STAT4: variants seen among roughly 807,000 people sequenced by gnomAD.
The protein encoded by STAT4 is signal transducer and activator of transcription 4.
Under a neutral mutation model 110.5 loss-of-function variants are expected in STAT4, and 42 were observed. That is an observed-to-expected ratio of 0.38 (90% CI 0.30 to 0.49). The LOEUF (loss-of-function observed/expected upper bound fraction) is 0.49. Ranked by LOEUF, STAT4 falls within the 20% of genes least tolerant of loss-of-function variation. STAT4 has a pLI of 0.95. For missense variants in STAT4, 632 were observed against 887.9 expected (o/e 0.71, Z 3.66); for synonymous variants, 284 against 302.2 (o/e 0.94, Z 0.63).
chr2:191,048,934 G>A (rs971465181), intron 14 of STAT4, among the ~76,000 whole-genome samples: 1 of 150,236 alleles, frequency 6.7e-6, no homozygotes, highest in African/African-American at 2.5e-5. Flanking sequence ...ATATGACACT[G>A]AATATAATAG....
rs941213604 is a variant in STAT4, at chr2:191,086,226, C to T, written c.274-9901G>A. Among the ~76,000 whole-genome samples, 2 of 152,090 alleles carry T rather than the reference C, an allele frequency of 1.3e-5. No individual in the cohort carries two copies. Among genetic ancestry groups the T allele is most frequent in the Admixed American group, 1.3e-4 (2 of 15,256 alleles). On this transcript the variant is annotated intron_variant, in intron 3 of 23. Coordinates refer to ENST00000392320, the MANE Select transcript of STAT4 (RefSeq NM_003151.4). This position sits in a 1 kb window ranked among gnomAD's most constrained non-coding sequence, Gnocchi z 5.5. ...CATAAAAGCCCTTTGGAAAAACTGG[C>T]CTTCTATCTTGTCCTTCACAGGGTT...
At chr2:191,081,593 T>C (rs1347937217) in intron 3 of STAT4, among the ~76,000 whole-genome samples, 1 of 152,242 alleles carries the variant, frequency 6.6e-6, no homozygotes, top group East Asian at 1.9e-4. Context: ...TGATGACCAG[T>C]GACGATGAGC....
chr2:191,035,913 C>T lies in STAT4; in HGVS notation c.1570+251G>A, dbSNP rs1001258992. 2.0e-5 allele frequency among the ~76,000 whole-genome samples: 3 copies of T among 152,064 alleles called. No homozygotes were observed. Among genetic ancestry groups the T allele is most frequent in the African/African-American group, 4.8e-5 (2 of 41,384 alleles). Reference sequence around the variant, plus strand: ...TGCTGCTGTGTACTAGCCATGCAGCCGTGGCAAGTCACTTGACTTCTGCAC... The same window carrying T: ...TGCTGCTGTGTACTAGCCATGCAGCTGTGGCAAGTCACTTGACTTCTGCAC... On this transcript the variant is annotated intron_variant, in intron 17 of 23. Coordinates refer to ENST00000392320, the MANE Select transcript of STAT4 (RefSeq NM_003151.4). This position sits in a 1 kb window ranked among gnomAD's most constrained non-coding sequence, Gnocchi z 4.7.
At position 191,110,129 on chromosome 2, in the gene STAT4, G is replaced by T. The variant is rs1698385967; in HGVS notation, c.274-33804C>A. On this transcript the variant is annotated intron_variant, in intron 3 of 23. Coordinates refer to ENST00000392320, the MANE Select transcript of STAT4 (RefSeq NM_003151.4). The surrounding 1 kb of genome is among the most constrained non-coding windows in gnomAD (Gnocchi z 4.5). The stretch of plus-strand genomic sequence containing the variant: ...CGCACAGCAGCCTCAACCACTTGAG[G>T]AAACACTACTTCATGTCCCTATGGA... Among the ~76,000 whole-genome samples, 1 of 152,134 alleles carries T rather than the reference G, an allele frequency of 6.6e-6. No individual in the cohort carries two copies. The highest frequency in any genetic ancestry group is 2.4e-5 in the African/African-American group (1 of 41,420).
chr2:191,147,852 C>G lies in STAT4; in HGVS notation c.128+224G>C, dbSNP rs551756499. On this transcript the variant is annotated intron_variant, in intron 2 of 23. Transcript: ENST00000392320. This position sits in a 1 kb window ranked among gnomAD's most constrained non-coding sequence, Gnocchi z 4.1. Reference sequence around the variant, plus strand: ...GAAAAATTATTTGGGTTTTTGTTTACAGAGAAAAGAAGCACTGGAACCATT... The same window carrying G: ...GAAAAATTATTTGGGTTTTTGTTTAGAGAGAAAAGAAGCACTGGAACCATT... Among the ~76,000 whole-genome samples, 5 of 151,954 alleles carry G rather than the reference C, an allele frequency of 3.3e-5. No homozygotes were observed. In the South Asian group the frequency reaches 1.0e-3, roughly 32 times the overall value.
At chr2:191,047,055 G>C (rs993004610) in intron 14 of STAT4, among the ~76,000 whole-genome samples, 1 of 152,144 alleles carries the variant, frequency 6.6e-6, no homozygotes, top group African/African-American at 2.4e-5. Flanking sequence ...CAATGGCAAA[G>C]GTGATCAACT....
intron 3 of STAT4, among the ~76,000 whole-genome samples, chr2:191,108,463 C>T (rs114724940): frequency 0.016 from 2,396 of 152,138 alleles, 26 homozygotes; most frequent in Non-Finnish European, 0.024. Flanking sequence ...ACATATGATG[C>T]GTTGAGAAAC....
At chr2:191,132,869 C>T (rs555364078) in intron 3 of STAT4, among the ~76,000 whole-genome samples, 1 of 151,262 alleles carries the variant, frequency 6.6e-6, no homozygotes, top group South Asian at 2.1e-4. Flanking sequence ...ATTCTCCTTC[C>T]TCAGCCTCCC....
Position 191,032,810 on chromosome 2 carries a change from A to G in STAT4, c.2044+148T>C. ...TCAGGAACTGCTGACATACCACTTCATTTCTAAGGCTTTGACCTCCACATG... is the reference window on the plus strand; with the variant it reads ...TCAGGAACTGCTGACATACCACTTCGTTTCTAAGGCTTTGACCTCCACATG... On this transcript the variant is annotated intron_variant, in intron 21 of 23. Transcript: ENST00000392320. This position sits in a 1 kb window ranked among gnomAD's most constrained non-coding sequence, Gnocchi z 4.9. 1.2e-6 allele frequency: 1 copy of G among 801,374 alleles called. No homozygotes were observed. The highest frequency in any genetic ancestry group is 2.8e-5 in the East Asian group (1 of 35,892). The allele number at this position is 801,374 out of a possible 1,614,324, so 49.6% of individuals were successfully genotyped here.
chr2:191,058,565 A>C lies in STAT4; in HGVS notation c.1094+145T>G. The C allele has an allele frequency of 1.6e-6, 1 of 630,226 alleles. No individual in the cohort carries two copies. Among genetic ancestry groups the C allele is most frequent in the Non-Finnish European group, 2.8e-6 (1 of 363,240 alleles). 39.0% of individuals were successfully genotyped at this position (630,226 alleles called of 1,614,324 possible). A position where few individuals can be genotyped will look rare whatever the true frequency, so the allele number is the denominator to read the frequency against. ...GAATTTTGTTAAATGTTTGAACTTC[A>C]AAGTCAAATATTTGAAGTACATTCA... On this transcript the variant is annotated intron_variant, in intron 11 of 23. Coordinates refer to ENST00000392320, the MANE Select transcript of STAT4 (RefSeq NM_003151.4). This position sits in a 1 kb window ranked among gnomAD's most constrained non-coding sequence, Gnocchi z 4.3.
At chr2:191,097,860 A>G (rs1290721607) in intron 3 of STAT4, among the ~76,000 whole-genome samples, 1 of 152,112 alleles carries the variant, frequency 6.6e-6, no homozygotes, top group African/African-American at 2.4e-5. Context: ...CAATCTACCC[A>G]TCTGACAAAG....
chr2:191,112,110 A>G lies in STAT4; in HGVS notation c.273+34503T>C, dbSNP rs1698441173. On this transcript the variant is annotated intron_variant, in intron 3 of 23. Transcript: ENST00000392320. The surrounding 1 kb of genome is among the most constrained non-coding windows in gnomAD (Gnocchi z 4.3). ...CTTATGTCAAAACTTGTCAGATTGTACACTTTAAATATATATATATTGTAT... is the reference window on the plus strand; with the variant it reads ...CTTATGTCAAAACTTGTCAGATTGTGCACTTTAAATATATATATATTGTAT... 6.6e-6 allele frequency among the ~76,000 whole-genome samples: 1 copy of G among 152,134 alleles called. No homozygotes were observed. The highest frequency in any genetic ancestry group is 1.5e-5 in the Non-Finnish European group (1 of 68,042).
chr2:191,098,944 T>C (rs1203972845), intron 3 of STAT4, among the ~76,000 whole-genome samples: 1 of 151,636 alleles, frequency 6.6e-6, no homozygotes, highest in East Asian at 1.9e-4. Context: ...AGGAGAACAT[T>C]AGTAATTCAT....
At chr2:191,124,445 C>T (rs183284636) in intron 3 of STAT4, among the ~76,000 whole-genome samples, 16 of 100,366 alleles carry the variant, frequency 1.6e-4, no homozygotes, top group African/African-American at 2.3e-4. Context: ...CAGAGTGAGA[C>T]GCCGTCTCAA....
At chr2:191,056,729 T>G (rs1053574085) in intron 13 of STAT4, among the ~76,000 whole-genome samples, 1 of 152,006 alleles carries the variant, frequency 6.6e-6, no homozygotes, top group African/African-American at 2.4e-5. Context: ...ACAATTCTTC[T>G]CTTCCTGCTA....
chr2:191,042,103 C>T lies in STAT4; in HGVS notation c.1252-955G>A, dbSNP rs1696217100. ...GGAGGTAACATACAGCTACTGCCTTCTATACCCAACACCGTCCTCCAACAC... is the reference window on the plus strand; with the variant it reads ...GGAGGTAACATACAGCTACTGCCTTTTATACCCAACACCGTCCTCCAACAC... On this transcript the variant is annotated intron_variant, in intron 14 of 23. Coordinates refer to ENST00000392320, the MANE Select transcript of STAT4 (RefSeq NM_003151.4). The surrounding 1 kb of genome is among the most constrained non-coding windows in gnomAD (Gnocchi z 4.2). Among the ~76,000 whole-genome samples the T allele has an allele frequency of 6.6e-6, 1 of 152,162 alleles. No individual in the cohort carries two copies. Among genetic ancestry groups the T allele is most frequent in the South Asian group, 2.1e-4 (1 of 4,826 alleles).
intron 3 of STAT4, among the ~76,000 whole-genome samples, chr2:191,100,039 T>C (rs1698112417): frequency 6.6e-6 from 1 of 152,176 alleles, no homozygotes. Context: ...TAAAGCTATT[T>C]TCATCATAAC....
At chr2:191,067,468 C>T (rs951042016) in intron 6 of STAT4, among the ~76,000 whole-genome samples, 5 of 152,108 alleles carry the variant, frequency 3.3e-5, no homozygotes, top group African/African-American at 1.2e-4. Flanking sequence ...AATTAAACAC[C>T]ACACCTAGAG....
At chr2:191,094,917 C>CAAAAAAAAAAAAAAA (rs1165913847) in intron 3 of STAT4, among the ~76,000 whole-genome samples, 5 of 77,920 alleles carry the variant, frequency 6.4e-5, no homozygotes, top group African/African-American at 2.3e-4. Flanking sequence ...AAATGGAAAG[C>CAAAAAAAAAAAAAAA]AAAAAAAAAA....
Sources: gnomAD v4.1 joint callset for allele counts (sites outside exome capture counted in the v4.1 genomes callset) on GRCh38, gnomAD v4.1.1 for gene constraint, Gnocchi (gnomAD v3.1) non-coding constraint, MANE v1.5 for transcripts, NCBI Gene and HGNC (gene_info 2026-07-23, HGNC 2026-07-21) for gene names.